Variants in ZNF282 observed in about 807,000 individuals in gnomAD.
ZNF282 encodes HTLV-I U5 repressive element-binding protein 1.
Under a neutral mutation model 61.9 loss-of-function variants are expected in ZNF282, and 30 were observed. The observed-to-expected ratio is 0.48, with a 90% confidence interval of 0.36 to 0.66. The LOEUF is 0.66. ZNF282 is among the 30% of genes least tolerant of loss of function. The pLI is 0.00. For synonymous variants in ZNF282, 396 were observed against 405.0 expected (o/e 0.98, Z 0.27); for missense variants, 788 against 941.4 (o/e 0.84, Z 2.13).
chr7:149,210,109 C>G (rs1123992), intron 4 of ZNF282, among the ~76,000 whole-genome samples: 89,319 of 151,870 alleles, frequency 0.59, 27,396 homozygotes, highest in East Asian at 0.87. Flanking sequence ...TGCCCATCCC[C>G]GCTTCTCACA....
In ZNF282 at chr7:149,224,355, A is replaced by G. The variant is rs761201216; in HGVS notation, c.1724A>G (p.Lys575Arg). 10 of 1,613,614 alleles carry G rather than the reference A, an allele frequency of 6.2e-6. No homozygotes were observed. The highest frequency in any genetic ancestry group is 8.5e-6 in the Non-Finnish European group (10 of 1,179,906). The change falls in exon 8 of 8, where the codon AAG (lysine) becomes AGG (arginine). Residue 575 changes from lysine (K) to arginine (R), a missense_variant. By Grantham distance (26) the Lys-to-Arg change is conservative (BLOSUM62 2). Transcript: ENST00000610704. Reference sequence around the variant, plus strand: ...ACGCACCGCGGCGAGCGGCCCTACAAGTGCTCGGAGTGCGAGAAGACCTAC... The same window carrying G: ...ACGCACCGCGGCGAGCGGCCCTACAGGTGCTCGGAGTGCGAGAAGACCTAC... ...QMTHRGERPY[K>R]CSECEKTYSR...
At chr7:149,202,828 G>T (rs1282895924) in intron 2 of ZNF282, among the ~76,000 whole-genome samples, 1 of 152,082 alleles carries the variant, frequency 6.6e-6, no homozygotes, top group Non-Finnish European at 1.5e-5. Flanking sequence ...TGTAAATTCT[G>T]CTTGGTTGCC....
At chr7:149,200,907 T>G (rs1469658906) in intron 2 of ZNF282, among the ~76,000 whole-genome samples, 1 of 152,184 alleles carries the variant, frequency 6.6e-6, no homozygotes, top group Non-Finnish European at 1.5e-5. Context: ...AGTCTCACAT[T>G]ATTAAAAGCA....
intron 4 of ZNF282, 123 bp from the exon 5 acceptor site, chr7:149,210,462 A>G: frequency 6.7e-7 from 1 of 1,502,474 alleles, no homozygotes. Context: ...TGAGCCCAGA[A>G]TGTCCTGGTG....
chr7:149,206,810 C>T lies in ZNF282; in HGVS notation c.700C>T (p.Leu234Phe). The T allele has an allele frequency of 6.2e-7, 1 of 1,614,134 alleles. No homozygotes were observed. Among genetic ancestry groups the T allele is most frequent in the East Asian group, 2.2e-5 (1 of 44,882 alleles). ...NNLVKENYKTLMSLDAEGSVP... is the reference protein window; with the variant it reads ...NNLVKENYKTFMSLDAEGSVP... ...CCTTGTTAAGGAGAACTACAAAACC[C>T]TCATGTCCCTGGGTAAGGACACCTT... is the stretch of plus-strand genomic sequence containing the variant. The change falls in exon 3 of 8, where the codon CTC becomes TTC. Residue 234 changes from leucine (L) to phenylalanine (F), a missense_variant. Coordinates refer to ENST00000610704, the MANE Select transcript of ZNF282 (RefSeq NM_003575.4).
intron 7 of ZNF282, among the ~76,000 whole-genome samples, 191 bp downstream of exon 7, chr7:149,214,005 A>C (rs1796125874): frequency 6.6e-6 from 1 of 152,162 alleles, no homozygotes; most frequent in Non-Finnish European, 1.5e-5. Flanking sequence ...GCTCCCCAGG[A>C]CTGTCATAAC....
At chr7:149,210,515 G>A (rs1319794225) in intron 4 of ZNF282, 70 bp from the exon 5 acceptor site, 3 of 1,583,952 alleles carry the variant, frequency 1.9e-6, no homozygotes, top group African/African-American at 2.7e-5. Context: ...GTCATTCTCT[G>A]TTCCCAGGAG....
rs763731876 is a variant in ZNF282, at chr7:149,224,523, C to T, written c.1892C>T (p.Thr631Met). Residue 631 changes from threonine to methionine, a missense_variant, in exon 8 of 8, where the codon ACG (threonine) becomes ATG (methionine). By Grantham distance (81) the Thr-to-Met change is moderately conservative (BLOSUM62 -1). Coordinates refer to ENST00000610704, the MANE Select transcript of ZNF282 (RefSeq NM_003575.4). ...ATCCACACGGGCGAGCGCCCCTACA[C>T]GTGCGGCGAGTGCGGCAAGAGCTTC... ...QRIHTGERPY[T>M]CGECGKSFRY... The T allele has an allele frequency of 5.6e-6, 9 of 1,612,194 alleles. No homozygotes were observed. Among genetic ancestry groups the T allele is most frequent in the East Asian group, 2.2e-5 (1 of 44,874 alleles).
chr7:149,209,020 CAA>C (rs58064988), intron 4 of ZNF282, among the ~76,000 whole-genome samples: 5 of 61,722 alleles, frequency 8.1e-5, no homozygotes, highest in Non-Finnish European at 9.2e-5. Flanking sequence ...GACTTCATCT[CAA>C]AAAAAAAAAA....
At chr7:149,199,079 G>A (rs186801451) in intron 2 of ZNF282, among the ~76,000 whole-genome samples, 73 of 152,252 alleles carry the variant, frequency 4.8e-4, no homozygotes, top group Middle Eastern at 3.4e-3. Context: ...ACCTACCAGC[G>A]ATCATGTGTC....
chr7:149,220,294 C>T (rs945166323), intron 7 of ZNF282, among the ~76,000 whole-genome samples: 4 of 151,330 alleles, frequency 2.6e-5, no homozygotes, highest in African/African-American at 9.7e-5. Flanking sequence ...CGCCTGTAGT[C>T]CCAGCTACTC....
intron 7 of ZNF282, among the ~76,000 whole-genome samples, chr7:149,214,225 C>G (rs920750211): frequency 3.3e-5 from 5 of 152,170 alleles, no homozygotes; most frequent in African/African-American, 4.8e-5. Context: ...CTGCAAGCCT[C>G]TGTTGTCACA....
At chr7:149,222,543 T>C (rs763532916) in intron 7 of ZNF282, among the ~76,000 whole-genome samples, 4 of 152,180 alleles carry the variant, frequency 2.6e-5, no homozygotes, top group African/African-American at 4.8e-5. Context: ...TCCCAGCACT[T>C]TGGGAGGCCA....
Position 149,198,727 on chromosome 7 carries a change from C to T in ZNF282, c.560C>T (p.Pro187Leu), listed in dbSNP as rs1309729406. 1.9e-6 allele frequency: 3 copies of T among 1,613,628 alleles called. No individual in the cohort carries two copies. Among genetic ancestry groups the T allele is most frequent in the South Asian group, 1.1e-5 (1 of 91,058 alleles). Residue 187 changes from proline (P) to leucine (L), a missense_variant, in exon 2 of 8, where the codon CCG becomes CTG. Coordinates refer to ENST00000610704, the MANE Select transcript of ZNF282 (RefSeq NM_003575.4). The surrounding 1 kb of genome is among the most constrained non-coding windows in gnomAD (Gnocchi z 4.3). ...NRNFWVLRLP[P>L]GSKGEAPKVP... ...AACTTCTGGGTCCTGCGGCTGCCCC[C>T]GGGCAGCAAGGGGGAGGCCCCCAAG...
chr7:149,224,127 G>A lies in ZNF282; in HGVS notation c.1496G>A (p.Cys499Tyr). The A allele has an allele frequency of 2.0e-6, 3 of 1,470,606 alleles. No individual in the cohort carries two copies. The South Asian group carries it at 4.1e-5, about 20-fold the overall frequency. The allele number at this position is 1,470,606 out of a possible 1,614,324, so 91.1% of individuals were successfully genotyped here. A position where few individuals can be genotyped will look rare whatever the true frequency, so the allele number is the denominator to read the frequency against. The change falls in exon 8 of 8, where the codon TGC becomes TAC. Residue 499 changes from cysteine to tyrosine, a missense_variant. Cys to Tyr is a radical substitution (Grantham distance 194). Coordinates refer to ENST00000610704, the MANE Select transcript of ZNF282 (RefSeq NM_003575.4). Reference protein sequence around the residue: ...GTGAGGGCGSCCPGGLRRSLL... With the variant: ...GTGAGGGCGSYCPGGLRRSLL... ...GGGGCAGGCGGCGGCTGTGGCAGCT[G>A]CTGCCCTGGCGGGCTGCGGCGGAGC... is the stretch of plus-strand genomic sequence containing the variant.
chr7:149,224,056 C>CGGGGGCGATGGGGGCGGT lies in ZNF282; in HGVS notation c.1433_1450dup (p.Asp478_Gly483dup), dbSNP rs1446406443. ...GTGGGGACCGCAGCACCGGGGGCGG[C>CGGGGGCGATGGGGGCGGT]GGGGGCGATGGGGGCGGTGGGGGCG... On this transcript the variant is annotated inframe_insertion, in exon 8 of 8. Transcript: ENST00000610704. The CGGGGGCGATGGGGGCGGT allele has an allele frequency of 7.5e-6, 7 of 934,570 alleles. No individual in the cohort carries two copies. The highest frequency in any genetic ancestry group is 8.6e-5 in the East Asian group (2 of 23,336). 57.9% of individuals were successfully genotyped at this position (934,570 alleles called of 1,614,324 possible). A position where few individuals can be genotyped will look rare whatever the true frequency, so the allele number is the denominator to read the frequency against.
Position 149,224,722 on chromosome 7 carries a change from T to C in ZNF282, c.*75T>C. On this transcript the variant is annotated 3_prime_UTR_variant, in exon 8 of 8. Coordinates refer to ENST00000610704, the MANE Select transcript of ZNF282 (RefSeq NM_003575.4). ...TGAGCACCAACCACCTTGCCGGGTG[T>C]CCTCAGCCACCGTCTGGAAATCGGC... The C allele has an allele frequency of 4.9e-6, 7 of 1,440,012 alleles. No individual in the cohort carries two copies. The highest frequency in any genetic ancestry group is 6.4e-6 in the Non-Finnish European group (7 of 1,102,176). 89.2% of individuals were successfully genotyped at this position (1,440,012 alleles called of 1,614,324 possible). A position where few individuals can be genotyped will look rare whatever the true frequency, so the allele number is the denominator to read the frequency against.
chr7:149,199,092 T>G (rs1033242326), intron 2 of ZNF282, among the ~76,000 whole-genome samples: 1 of 152,222 alleles, frequency 6.6e-6, no homozygotes, highest in African/African-American at 2.4e-5. Context: ...CATGTGTCAT[T>G]GGCTGTCTTG....
chr7:149,223,693 C>A, intron 7 of ZNF282, 119 bp from the exon 8 acceptor site: 1 of 1,120,796 alleles, frequency 8.9e-7, no homozygotes, highest in Non-Finnish European at 1.2e-6. Context: ...CTTGTGCAAT[C>A]CCTCGTAGTT....
Sources: gnomAD v4.1 joint callset for allele counts (sites outside exome capture counted in the v4.1 genomes callset) on GRCh38, gnomAD v4.1.1 for gene constraint, Gnocchi (gnomAD v3.1) non-coding constraint, MANE v1.5 for transcripts, NCBI Gene and HGNC (gene_info 2026-07-23, HGNC 2026-07-21) for gene names.